The following RNF11 variants were observed in gnomAD, a reference collection of about 807,000 sequenced individuals.
RNF11 encodes ring finger protein 11.
RNF11 carries 4 observed loss-of-function variants against 15.8 expected under a neutral mutation model. The ratio of observed to expected loss-of-function variants is 0.25; its 90% confidence interval spans 0.12 to 0.58. The LOEUF (loss-of-function observed/expected upper bound fraction) is 0.58. Ranked by LOEUF, RNF11 falls within the 20% of genes least tolerant of loss-of-function variation. RNF11 has a pLI of 0.91. For missense variants in RNF11, 139 were observed against 194.4 expected (o/e 0.71, Z 1.70); for synonymous variants, 68 against 72.3 (o/e 0.94, Z 0.30).
At chr1:51,254,486 G>A (rs1481755892) in intron 1 of RNF11, among the ~76,000 whole-genome samples, 3 of 151,810 alleles carry the variant, frequency 2.0e-5, no homozygotes, top group Admixed American at 1.3e-4. Context: ...TTGAGATGGA[G>A]TCTCGCTCTG....
chr1:51,270,292 T>C (rs541115450), intron 2 of RNF11, among the ~76,000 whole-genome samples, 167 bp downstream of exon 2: 6 of 152,314 alleles, frequency 3.9e-5, no homozygotes, highest in Non-Finnish European at 7.4e-5. Flanking sequence ...TACTGGCTAC[T>C]AGCAAGAGAA....
intron 1 of RNF11, among the ~76,000 whole-genome samples, chr1:51,244,165 A>G (rs72896468): frequency 0.022 from 3,283 of 152,274 alleles, 104 homozygotes; most frequent in African/African-American, 0.067. Flanking sequence ...GTTCATTTTC[A>G]CATTGCTAGA....
intron 1 of RNF11, among the ~76,000 whole-genome samples, chr1:51,264,287 A>AAAAAAATATAT (rs1557682286): frequency 6.1e-5 from 2 of 32,530 alleles, no homozygotes; most frequent in African/African-American, 1.0e-4. Flanking sequence ...AAAAAAAAAA[A>AAAAAAATATAT]ATATATATAT....
At chr1:51,239,213 C>T (rs1181887031) in intron 1 of RNF11, among the ~76,000 whole-genome samples, 1 of 152,058 alleles carries the variant, frequency 6.6e-6, no homozygotes, top group Admixed American at 6.6e-5. Context: ...TTCTCCTATC[C>T]TTATGATAAT....
intron 1 of RNF11, among the ~76,000 whole-genome samples, chr1:51,266,881 G>A (rs777315546): frequency 6.6e-6 from 1 of 152,222 alleles, no homozygotes; most frequent in Non-Finnish European, 1.5e-5. Context: ...AGTCCCAACT[G>A]TGTGCCAGAT....
intron 1 of RNF11, among the ~76,000 whole-genome samples, chr1:51,268,829 A>C (rs1569687523): frequency 6.6e-6 from 1 of 152,224 alleles, no homozygotes; most frequent in Non-Finnish European, 1.5e-5. Context: ...TGTAGTATTC[A>C]AAGAGAAGCC....
At chr1:51,247,446 GTTTTTTTGTTTTT>G (rs1646857520) in intron 1 of RNF11, among the ~76,000 whole-genome samples, 1 of 144,412 alleles carries the variant, frequency 6.9e-6, no homozygotes, top group African/African-American at 2.8e-5. Context: ...GTGGTTTTTT[GTTTTTTTGTTTTT>G]TTTTTTTGTA....
At chr1:51,262,060 G>A (rs1646932956) in intron 1 of RNF11, among the ~76,000 whole-genome samples, 1 of 152,082 alleles carries the variant, frequency 6.6e-6, no homozygotes, top group Admixed American at 6.5e-5. Context: ...TCACTATGTT[G>A]GCCAGGCTGG....
intron 1 of RNF11, among the ~76,000 whole-genome samples, chr1:51,248,498 G>A (rs1008335628): frequency 5.3e-5 from 8 of 152,098 alleles, no homozygotes; most frequent in Admixed American, 1.3e-4. Context: ...CACGGCGCCC[G>A]GCCTCTAGTT....
In RNF11 at chr1:51,241,700, C is replaced by G. The variant is rs550764599; in HGVS notation, c.123+4821C>G. Among the ~76,000 whole-genome samples the G allele has an allele frequency of 5.3e-5, 8 of 152,244 alleles. No individual in the cohort carries two copies. The South Asian group carries it at 1.7e-3, about 32-fold the overall frequency. On this transcript the variant is annotated intron_variant, in intron 1 of 2. Transcript: ENST00000242719. ...AAACAAATTTGTCGCACCCTCTACC[C>G]AACTCCCTTATTCCTAAATGTTTAA...
At chr1:51,237,798 C>A (rs1557675680) in intron 1 of RNF11, among the ~76,000 whole-genome samples, 1 of 152,138 alleles carries the variant, frequency 6.6e-6, no homozygotes, top group Non-Finnish European at 1.5e-5. Flanking sequence ...TGAATACACC[C>A]TTTTCCAGAG....
intron 1 of RNF11, among the ~76,000 whole-genome samples, chr1:51,251,664 A>C (rs1646878896): frequency 6.6e-6 from 1 of 152,196 alleles, no homozygotes; most frequent in African/African-American, 2.4e-5. Context: ...TGGGCTGGGC[A>C]TGGTGGCTAA....
chr1:51,241,605 G>A (rs1435643115), intron 1 of RNF11, among the ~76,000 whole-genome samples: 1 of 152,202 alleles, frequency 6.6e-6, no homozygotes, highest in Non-Finnish European at 1.5e-5. Flanking sequence ...GAAAAAGAAA[G>A]TACTTGAATC....
chr1:51,250,470 A>T, intron 1 of RNF11: 2 of 459,442 alleles, frequency 4.4e-6, no homozygotes, highest in Non-Finnish European at 3.9e-6. Context: ...AACAACATAG[A>T]GTTGAATAGC....
Position 51,236,866 on chromosome 1 carries a change from C to T in RNF11, c.110C>T (p.Pro37Leu). The change falls in exon 1 of 3, where the codon CCG (proline) becomes CTG (leucine). Residue 37 changes from proline (P) to leucine (L), a missense_variant. Physicochemically the swap from Pro to Leu is moderately conservative, Grantham distance 98 (BLOSUM62 -3). Transcript: ENST00000242719. ...GGGACGGAGCCGGATCAGGAGCCGC[C>T]GCCGCCATATCAGGTAGGGGAGGGT... ...GEGTEPDQEP[P>L]PPYQEQVPVP... is the part of the protein sequence containing the mutation. The T allele has an allele frequency of 6.2e-7, 1 of 1,610,194 alleles. No homozygotes were observed. The highest frequency in any genetic ancestry group is 8.5e-7 in the Non-Finnish European group (1 of 1,178,344).
chr1:51,270,360 C>T (rs920310816), intron 2 of RNF11, among the ~76,000 whole-genome samples: 2 of 152,096 alleles, frequency 1.3e-5, no homozygotes, highest in Non-Finnish European at 2.9e-5. Flanking sequence ...TGCCTGTAAT[C>T]CCAGCACTTT....
chr1:51,252,723 T>C (rs1345322119), intron 1 of RNF11, among the ~76,000 whole-genome samples: 4 of 152,148 alleles, frequency 2.6e-5, no homozygotes, highest in African/African-American at 4.8e-5. Context: ...AATTTGCATT[T>C]TCCCAGTGAG....
chr1:51,248,096 CTTTT>C (rs1157196813), intron 1 of RNF11, among the ~76,000 whole-genome samples: 2,433 of 91,620 alleles, frequency 0.027, 42 homozygotes, highest in African/African-American at 0.078. Flanking sequence ...CTAGTTTCTT[CTTTT>C]TTTTTTTTTT....
chr1:51,270,097 A>C lies in RNF11; in HGVS notation c.265A>C (p.Arg89=). The change falls in exon 2 of 3, where the codon AGA becomes CGA. Residue 89 remains arginine (R), a synonymous_variant. Transcript: ENST00000242719. ...HLPKGVYDPG[R]DGSEKKIREC... ...GCCTAAAGGAGTTTATGACCCTGGA[A>C]GAGATGGATCAGAAAAAAAGATCCG... 1 of 1,606,242 alleles carries C rather than the reference A, an allele frequency of 6.2e-7. No individual in the cohort carries two copies. Among genetic ancestry groups the C allele is most frequent in the Non-Finnish European group, 8.5e-7 (1 of 1,177,982 alleles).
Sources: allele counts gnomAD v4.1 joint callset (sites outside exome capture counted in the v4.1 genomes callset), GRCh38; gene constraint gnomAD v4.1.1; transcripts MANE v1.5; gene names NCBI Gene and HGNC (gene_info 2026-07-23, HGNC 2026-07-21).